SORCS2: variants seen among roughly 807,000 people sequenced by gnomAD.
The protein encoded by SORCS2 is sortilin related VPS10 domain containing receptor 2.
In SORCS2, 100 loss-of-function variants were observed where a neutral mutation model predicts 141.6. That is an observed-to-expected ratio of 0.71 (90% CI 0.60 to 0.83). The LOEUF (loss-of-function observed/expected upper bound fraction) is 0.83. Ranked by LOEUF, SORCS2 falls within the 40% of genes least tolerant of loss-of-function variation. The pLI is 0.00. For missense variants in SORCS2, 1,646 were observed against 1,560.2 expected, an observed-to-expected ratio of 1.05 and a Z score of -0.93; for synonymous variants, 789 against 676.9, an observed-to-expected ratio of 1.17 and a Z score of -2.57.
At chr4:7,234,047 C>G (rs1712091166) in intron 1 of SORCS2, among the ~76,000 whole-genome samples, 1 of 152,196 alleles carries the variant, frequency 6.6e-6, no homozygotes. Context: ...CACCCACTCC[C>G]ACCGAGCCCT....
intron 1 of SORCS2, among the ~76,000 whole-genome samples, chr4:7,372,542 G>A (rs898630984): frequency 3.0e-4 from 45 of 152,252 alleles, no homozygotes; most frequent in African/African-American, 9.6e-4. Context: ...TCCTGACCTC[G>A]GGTGATCCAT....
chr4:7,694,508 G>A (rs376193399), intron 11 of SORCS2, among the ~76,000 whole-genome samples: 4 of 152,018 alleles, frequency 2.6e-5, no homozygotes, highest in East Asian at 1.9e-4. Flanking sequence ...AAAGACAGAC[G>A]TGTGCACATT....
chr4:7,305,332 A>T (rs1444697857), intron 1 of SORCS2, among the ~76,000 whole-genome samples: 1 of 57,596 alleles, frequency 1.7e-5, no homozygotes, highest in Non-Finnish European at 7.4e-5. Context: ...CGCACGGCCC[A>T]TTCTGGCTCT....
chr4:7,719,891 G>A lies in SORCS2; in HGVS notation c.2424+1708G>A, dbSNP rs139129467. ...AGGAGCTGGAGTTGGCGGAAGTGAA[G>A]AGAGTGATCAAAAGATGCTCTTGGT... On this transcript the variant is annotated intron_variant, in intron 18 of 26. Coordinates refer to ENST00000507866, the MANE Select transcript of SORCS2 (RefSeq NM_020777.3). 4.3e-4 allele frequency among the ~76,000 whole-genome samples: 65 copies of A among 152,332 alleles called. No individual in the cohort carries two copies. The East Asian group carries it at 0.011, about 27-fold the overall frequency.
intron 2 of SORCS2, among the ~76,000 whole-genome samples, chr4:7,480,336 T>G (rs1270741102): frequency 6.6e-6 from 1 of 152,136 alleles, no homozygotes; most frequent in Non-Finnish European, 1.5e-5. Context: ...TTATTTAGAC[T>G]AGAGATGGAC....
intron 10 of SORCS2, among the ~76,000 whole-genome samples, chr4:7,683,811 G>A (rs1723713143): frequency 6.6e-6 from 1 of 152,176 alleles, no homozygotes; most frequent in Non-Finnish European, 1.5e-5. Flanking sequence ...AGTATCGACT[G>A]CCTGAGTCCT....
In SORCS2 at chr4:7,233,697, C is replaced by G. The variant is rs923356925; in HGVS notation, c.480+40571C>G. Among the ~76,000 whole-genome samples, 1 of 152,186 alleles carries G rather than the reference C, an allele frequency of 6.6e-6. No homozygotes were observed. The highest frequency in any genetic ancestry group is 2.4e-5 in the African/African-American group (1 of 41,440). Reference sequence around the variant, plus strand: ...CCGTCTGATGCTGCAGGGTGGACTTCTGAGTGTCAGAGCCAGGCCATCCTG... The same window carrying G: ...CCGTCTGATGCTGCAGGGTGGACTTGTGAGTGTCAGAGCCAGGCCATCCTG... On this transcript the variant is annotated intron_variant, in intron 1 of 26. Transcript: ENST00000507866. This position sits in a 1 kb window ranked among gnomAD's most constrained non-coding sequence, Gnocchi z 4.5.
chr4:7,641,171 C>T (rs1257882947), intron 4 of SORCS2, among the ~76,000 whole-genome samples: 1 of 152,162 alleles, frequency 6.6e-6, no homozygotes, highest in Non-Finnish European at 1.5e-5. Flanking sequence ...CAATGGGTAT[C>T]TATTAGCCCA....
chr4:7,295,559 C>T (rs113098238), intron 1 of SORCS2, among the ~76,000 whole-genome samples: 20 of 152,262 alleles, frequency 1.3e-4, no homozygotes, highest in Admixed American at 3.3e-4. Context: ...GCCCAGGGTC[C>T]GTGGATGGGA....
Position 7,663,220 on chromosome 4 carries a change from G to A in SORCS2, c.953-1133G>A, listed in dbSNP as rs914147735. ...GAAGAGTGAATGAGTGAGTGAATGAGTGAGTGAAGAGTGAATAAGTGAGTG... is the reference window on the plus strand; with the variant it reads ...GAAGAGTGAATGAGTGAGTGAATGAATGAGTGAAGAGTGAATAAGTGAGTG... On this transcript the variant is annotated intron_variant, in intron 6 of 26. Transcript: ENST00000507866. This position sits in a 1 kb window ranked among gnomAD's most constrained non-coding sequence, Gnocchi z 4.8. 6.6e-6 allele frequency among the ~76,000 whole-genome samples: 1 copy of A among 151,762 alleles called. No homozygotes were observed. Among genetic ancestry groups the A allele is most frequent in the East Asian group, 1.9e-4 (1 of 5,172 alleles).
intron 2 of SORCS2, among the ~76,000 whole-genome samples, chr4:7,398,665 A>T (rs774871081): frequency 5.9e-5 from 9 of 152,140 alleles, no homozygotes; most frequent in Non-Finnish European, 8.8e-5. Context: ...CACAGAATGC[A>T]GTTTTATATT....
chr4:7,493,711 G>C (rs1194234703), intron 2 of SORCS2, among the ~76,000 whole-genome samples: 2 of 152,192 alleles, frequency 1.3e-5, no homozygotes, highest in Admixed American at 1.3e-4. Context: ...GCTCCAGCTG[G>C]TCAGAGAGAG....
intron 8 of SORCS2, among the ~76,000 whole-genome samples, chr4:7,672,389 C>T (rs111415672): frequency 0.04 from 6,024 of 152,236 alleles, 159 homozygotes; most frequent in Middle Eastern, 0.051. Flanking sequence ...ACATTCAAAG[C>T]GCTGAAAGAA....
chr4:7,540,424 G>A (rs1432107284), intron 3 of SORCS2, among the ~76,000 whole-genome samples: 4 of 152,154 alleles, frequency 2.6e-5, no homozygotes, highest in African/African-American at 4.8e-5. Flanking sequence ...TCCAGCGGGG[G>A]ATGGCAGCAC....
intron 3 of SORCS2, among the ~76,000 whole-genome samples, chr4:7,636,828 A>T (rs1211161492): frequency 6.6e-6 from 1 of 151,992 alleles, no homozygotes; most frequent in Non-Finnish European, 1.5e-5. Flanking sequence ...CAACCTGGGG[A>T]GCTGAAAACA....
intron 11 of SORCS2, among the ~76,000 whole-genome samples, chr4:7,694,726 C>T (rs942773037): frequency 1.3e-5 from 2 of 152,212 alleles, no homozygotes; most frequent in Non-Finnish European, 2.9e-5. Flanking sequence ...GCAGCCATCG[C>T]TCAGCACCTT....
At chr4:7,695,904 A>G (rs1179499688) in intron 11 of SORCS2, among the ~76,000 whole-genome samples, 4 of 96,406 alleles carry the variant, frequency 4.1e-5, no homozygotes, top group Non-Finnish European at 6.6e-5. Context: ...GGATGGATGG[A>G]TGGATGGATG....
At chr4:7,451,712 G>C (rs538330622) in intron 2 of SORCS2, among the ~76,000 whole-genome samples, 1 of 152,358 alleles carries the variant, frequency 6.6e-6, no homozygotes, top group South Asian at 2.1e-4. Context: ...GTGGTGGGGG[G>C]GCTATAGAAG....
At chr4:7,277,720 A>G (rs1391479551) in intron 1 of SORCS2, among the ~76,000 whole-genome samples, 1 of 152,204 alleles carries the variant, frequency 6.6e-6, no homozygotes, top group African/African-American at 2.4e-5. Flanking sequence ...CTGGCCAGTC[A>G]GCCTCTGGAG....
Sources: allele counts gnomAD v4.1 joint callset (sites outside exome capture counted in the v4.1 genomes callset), GRCh38; gene constraint gnomAD v4.1.1; non-coding constraint Gnocchi (gnomAD v3.1); transcripts MANE v1.5; gene names NCBI Gene and HGNC (gene_info 2026-07-23, HGNC 2026-07-21).